The following LDLRAD3 variants were observed in gnomAD, a reference collection of about 807,000 sequenced individuals.
LDLRAD3 encodes low density lipoprotein receptor class A domain containing 3.
Under a neutral mutation model 29.4 loss-of-function variants are expected in LDLRAD3, and 20 were observed. That is an observed-to-expected ratio of 0.68 (90% CI 0.48 to 0.99). The LOEUF (loss-of-function observed/expected upper bound fraction) is 0.99, where lower values mean the gene tolerates loss of function less well. LDLRAD3 is among the 50% of genes least tolerant of loss of function. LDLRAD3 has a pLI of 0.00. For missense variants in LDLRAD3, 420 were observed against 454.3 expected (o/e 0.92, Z 0.69); for synonymous variants, 157 against 192.7 (o/e 0.81, Z 1.53).
intron 4 of LDLRAD3, among the ~76,000 whole-genome samples, chr11:36,151,794 T>A (rs536082256): frequency 1.2e-4 from 19 of 152,110 alleles, no homozygotes; most frequent in Non-Finnish European, 2.4e-4. Context: ...TTACAATCAA[T>A]CAATAGAATA....
rs1565147663 is a variant in LDLRAD3 at position 35,991,867 on chromosome 11, T to TGTGTG, written c.47-44236_47-44235insGTGTG. ...AGCAGTTCATAAATTGAATGGTTGTTTGTGTGTGTGTGTGTGTGTGTGTGT... is the reference window on the plus strand; with the variant it reads ...AGCAGTTCATAAATTGAATGGTTGTTGTGTGTGTGTGTGTGTGTGTGTGTGTGTGT... On this transcript the variant is annotated intron_variant, in intron 1 of 5. Transcript: ENST00000315571. 3.6e-3 allele frequency among the ~76,000 whole-genome samples: 300 copies of TGTGTG among 82,768 alleles called. 4 individuals are homozygous for TGTGTG. The highest frequency in any genetic ancestry group is 7.4e-3 in the African/African-American group (245 of 33,230). The allele number at this position is 82,768 out of a possible 152,430, so 54.3% of individuals were successfully genotyped here.
At chr11:36,222,080 G>GT (rs1395025164) in intron 4 of LDLRAD3, among the ~76,000 whole-genome samples, 2 of 152,044 alleles carry the variant, frequency 1.3e-5, no homozygotes, top group Admixed American at 6.6e-5. Flanking sequence ...TTGTTTGTTG[G>GT]TTTTTTAGAG....
At chr11:36,026,197 T>A (rs1302790791) in intron 1 of LDLRAD3, among the ~76,000 whole-genome samples, 2 of 152,252 alleles carry the variant, frequency 1.3e-5, no homozygotes, top group Non-Finnish European at 2.9e-5. Context: ...CACTTAGCAG[T>A]AAGTTTCTCA....
intron 4 of LDLRAD3, among the ~76,000 whole-genome samples, chr11:36,139,909 T>G (rs6484819): frequency 0.33 from 49,641 of 152,132 alleles, 8,856 homozygotes; most frequent in East Asian, 0.56. Context: ...TGCTGTGGGT[T>G]TAGAGCTGGG....
intron 2 of LDLRAD3, among the ~76,000 whole-genome samples, chr11:36,063,511 G>C (rs1852738733): frequency 6.6e-6 from 1 of 152,116 alleles, no homozygotes; most frequent in African/African-American, 2.4e-5. Context: ...TACAGTATGT[G>C]GCCTTTTGTG....
At chr11:35,965,322 C>A (rs1042150057) in intron 1 of LDLRAD3, among the ~76,000 whole-genome samples, 3 of 152,146 alleles carry the variant, frequency 2.0e-5, no homozygotes, top group African/African-American at 7.2e-5. Context: ...CTAAGAAGAG[C>A]TTGCTGCAAT....
chr11:36,120,136 C>T (rs889978250), intron 4 of LDLRAD3, among the ~76,000 whole-genome samples: 1 of 152,142 alleles, frequency 6.6e-6, no homozygotes, highest in African/African-American at 2.4e-5. Flanking sequence ...TAAATAAATA[C>T]ACTGCATAGA....
chr11:36,062,953 A>G (rs529140164), intron 2 of LDLRAD3, among the ~76,000 whole-genome samples: 2 of 152,334 alleles, frequency 1.3e-5, no homozygotes, highest in Admixed American at 6.5e-5. Flanking sequence ...AAATGTAACA[A>G]TGTGTAAGAA....
At chr11:36,013,887 A>G (rs1006016557) in intron 1 of LDLRAD3, among the ~76,000 whole-genome samples, 1 of 152,110 alleles carries the variant, frequency 6.6e-6, no homozygotes, top group Non-Finnish European at 1.5e-5. Context: ...TGCCCCATAG[A>G]TAAGTGTTGT....
At chr11:36,043,528 G>A (rs1852409103) in intron 2 of LDLRAD3, among the ~76,000 whole-genome samples, 1 of 152,200 alleles carries the variant, frequency 6.6e-6, no homozygotes. Flanking sequence ...TTTGGAAATG[G>A]GGGTCCTTGT....
intron 1 of LDLRAD3, among the ~76,000 whole-genome samples, chr11:36,022,912 A>G (rs1296192722): frequency 1.3e-5 from 2 of 152,216 alleles, no homozygotes; most frequent in Non-Finnish European, 1.5e-5. Flanking sequence ...TCAGACATGC[A>G]TACTAAAGTG....
At chr11:36,036,384 C>T in intron 2 of LDLRAD3, 135 bp downstream of exon 2, 1 of 935,706 alleles carries the variant, frequency 1.1e-6, no homozygotes, top group Non-Finnish European at 1.6e-6. Flanking sequence ...GCCAGCAGTC[C>T]TGCTTCTTTG....
rs78489567 is a variant in LDLRAD3, at chr11:36,052,394, G to A, written c.193+16145G>A. ...AGAGGAGATGACTTTATCTGAGCCA[G>A]AAATGAAATTCTCAGCAAGAGACAC... On this transcript the variant is annotated intron_variant, in intron 2 of 5. Coordinates refer to ENST00000315571, the MANE Select transcript of LDLRAD3 (RefSeq NM_174902.4). Among the ~76,000 whole-genome samples, 122 of 152,322 alleles carry A rather than the reference G, an allele frequency of 8.0e-4. 3 individuals carry two copies. The East Asian group carries it at 0.022, about 27-fold the overall frequency.
chr11:35,981,046 A>T (rs140025407), intron 1 of LDLRAD3, among the ~76,000 whole-genome samples: 1 of 152,290 alleles, frequency 6.6e-6, no homozygotes, highest in Non-Finnish European at 1.5e-5. Flanking sequence ...GGTTGGGGGA[A>T]ATCTCACATA....
intron 2 of LDLRAD3, among the ~76,000 whole-genome samples, chr11:36,065,700 A>G (rs1348996521): frequency 6.6e-6 from 1 of 152,178 alleles, no homozygotes; most frequent in Non-Finnish European, 1.5e-5. Context: ...CCCTGTTGAC[A>G]CACTCACCTC....
chr11:36,078,436 C>G (rs1011254193), intron 2 of LDLRAD3, among the ~76,000 whole-genome samples: 2 of 152,206 alleles, frequency 1.3e-5, no homozygotes, highest in Non-Finnish European at 2.9e-5. Flanking sequence ...GCTGAAGTGG[C>G]AGGGGACTTG....
chr11:36,173,648 C>A (rs1854630199), intron 4 of LDLRAD3, among the ~76,000 whole-genome samples: 1 of 152,078 alleles, frequency 6.6e-6, no homozygotes, highest in South Asian at 2.1e-4. Flanking sequence ...AATAAACATA[C>A]ATTTGCATGT....
rs181778960 is a variant in LDLRAD3, at chr11:36,194,170, A to G, written c.455-32915A>G. On this transcript the variant is annotated intron_variant, in intron 4 of 5. Coordinates refer to ENST00000315571, the MANE Select transcript of LDLRAD3 (RefSeq NM_174902.4). ...CAGGGCCCGGATGTTTTGTCTGTGTACCTTAGCCCCCTGAGTTGGTATATG... is the reference window on the plus strand; with the variant it reads ...CAGGGCCCGGATGTTTTGTCTGTGTGCCTTAGCCCCCTGAGTTGGTATATG... Among the ~76,000 whole-genome samples the G allele has an allele frequency of 2.4e-3, 362 of 151,200 alleles. 2 individuals are homozygous for G. The highest frequency in any genetic ancestry group is 8.2e-3 in the African/African-American group (340 of 41,274).
At chr11:36,156,841 G>A (rs1854359568) in intron 4 of LDLRAD3, among the ~76,000 whole-genome samples, 1 of 152,040 alleles carries the variant, frequency 6.6e-6, no homozygotes, top group Non-Finnish European at 1.5e-5. Context: ...AATTTGTTTT[G>A]TCATGCCAAA....
Sources: gnomAD v4.1 joint callset for allele counts (sites outside exome capture counted in the v4.1 genomes callset) on GRCh38, gnomAD v4.1.1 for gene constraint, MANE v1.5 for transcripts, NCBI Gene and HGNC (gene_info 2026-07-23, HGNC 2026-07-21) for gene names.